VPS50: variants seen among roughly 807,000 people sequenced by gnomAD.
The protein encoded by VPS50 is syndetin.
Under a neutral mutation model 139.7 loss-of-function variants are expected in VPS50, and 70 were observed. That is an observed-to-expected ratio of 0.50 (90% CI 0.41 to 0.61). VPS50 has a LOEUF of 0.61. Among genes scored for constraint, VPS50 ranks in the 20% least tolerant of loss-of-function variants. The probability of loss-of-function intolerance (pLI) is 0.00; values close to 1 mark genes in which losing one functional copy is unlikely to be tolerated. For missense variants in VPS50, 921 were observed against 1,133.7 expected (o/e 0.81, Z 2.69); for synonymous variants, 365 against 376.7 (o/e 0.97, Z 0.36).
chr7:93,308,803 A>G (rs1797186504), intron 18 of VPS50, 21 bp from the exon 19 acceptor site: 2 of 1,372,114 alleles, frequency 1.5e-6, no homozygotes, highest in Non-Finnish European at 2.1e-6. Flanking sequence ...CTCATTTTTT[A>G]ATAACCTGTG....
At chr7:93,336,917 G>T (rs1221564497) in intron 22 of VPS50, among the ~76,000 whole-genome samples, 1 of 152,136 alleles carries the variant, frequency 6.6e-6, no homozygotes, top group Non-Finnish European at 1.5e-5. Context: ...GGTAGGAAAG[G>T]CTAAAAAATG....
At chr7:93,330,761 C>CAAAAAAAAAAA (rs57338525) in intron 21 of VPS50, among the ~76,000 whole-genome samples, 1 of 83,706 alleles carries the variant, frequency 1.2e-5, no homozygotes, top group Admixed American at 1.8e-4. Context: ...GACCCTGTCT[C>CAAAAAAAAAAA]AAAAAAAAAA....
intron 10 of VPS50, among the ~76,000 whole-genome samples, chr7:93,271,511 A>C (rs1014166564): frequency 6.6e-6 from 1 of 151,802 alleles, no homozygotes; most frequent in African/African-American, 2.4e-5. Context: ...ACTATTAGTC[A>C]TAGGTGTGTT....
intron 9 of VPS50, among the ~76,000 whole-genome samples, chr7:93,265,847 G>A (rs1241580125): frequency 6.6e-6 from 1 of 152,152 alleles, no homozygotes; most frequent in Non-Finnish European, 1.5e-5. Flanking sequence ...GATTACAAGC[G>A]TGAGCCACTG....
In VPS50 at chr7:93,341,408, A is replaced by G. The variant is rs1234902572; in HGVS notation, c.2059-19A>G. The G allele has an allele frequency of 1.3e-6, 2 of 1,570,498 alleles. No homozygotes were observed. The highest frequency in any genetic ancestry group is 1.2e-5 in the South Asian group (1 of 85,840). ...TGTTAGATTTGTTATTCCAGGTTGT[A>G]TATCTATTGTATTTTCAGGAAGTTT... On this transcript the variant is annotated intron_variant, in intron 22 of 27. Transcript: ENST00000305866.
At chr7:93,236,691 A>G (rs1794810640) in intron 1 of VPS50, among the ~76,000 whole-genome samples, 1 of 146,646 alleles carries the variant, frequency 6.8e-6, no homozygotes, top group South Asian at 2.1e-4. Flanking sequence ...AGATAAAATA[A>G]GAATGACTTC....
At chr7:93,236,664 A>G (rs1253163922) in intron 1 of VPS50, among the ~76,000 whole-genome samples, 3 of 152,212 alleles carry the variant, frequency 2.0e-5, no homozygotes, top group African/African-American at 7.2e-5. Flanking sequence ...CCATGACTTC[A>G]TGCTTTAGAG....
chr7:93,351,080 G>T (rs1798542865), intron 25 of VPS50, among the ~76,000 whole-genome samples: 1 of 152,096 alleles, frequency 6.6e-6, no homozygotes, highest in Non-Finnish European at 1.5e-5. Flanking sequence ...AGCAATTTAT[G>T]GTCCCCTTTG....
chr7:93,320,884 C>G (rs1384999873), intron 20 of VPS50: 2 of 152,422 alleles, frequency 1.3e-5, no homozygotes, highest in Non-Finnish European at 2.9e-5. Context: ...AGTTACTGTC[C>G]TAGTGAATAG....
chr7:93,342,383 C>T (rs956079546), intron 23 of VPS50, among the ~76,000 whole-genome samples: 15 of 152,162 alleles, frequency 9.9e-5, no homozygotes, highest in South Asian at 2.1e-4. Flanking sequence ...AACTGCAAGG[C>T]GGCAGTGACG....
In VPS50 at chr7:93,256,732, G is replaced by A. The variant is rs1795494564; in HGVS notation, c.351+170G>A. Among the ~76,000 whole-genome samples, 4 of 151,768 alleles carry A rather than the reference G, an allele frequency of 2.6e-5. No individual in the cohort carries two copies. The South Asian group carries it at 8.3e-4, about 32-fold the overall frequency. Reference sequence around the variant, plus strand: ...GTATGTATATTTTTCTTTTTCTTTTGGGGTAATTTACCAAACTGAAGAAGC... The same window carrying A: ...GTATGTATATTTTTCTTTTTCTTTTAGGGTAATTTACCAAACTGAAGAAGC... On this transcript the variant is annotated intron_variant, in intron 5 of 27. Transcript: ENST00000305866.
In VPS50 at chr7:93,355,914, G is replaced by T. The variant is rs770884921; in HGVS notation, c.2609G>T (p.Ser870Ile). The change falls in exon 27 of 28, where the codon AGT becomes ATT. Residue 870 changes from serine (S) to isoleucine (I), a missense_variant. Coordinates refer to ENST00000305866, the MANE Select transcript of VPS50 (RefSeq NM_017667.4). ...AGATATGCCAATGTCAAGAAATGCA[G>T]TAATGAGGGTCGTGCCCTGATGCAA... ...VEGYANVKKC[S>I]NEGRALMQLD... is the part of the protein sequence containing the mutation. 6.3e-7 allele frequency: 1 copy of T among 1,585,428 alleles called. No individual in the cohort carries two copies. The highest frequency in any genetic ancestry group is 1.7e-5 in the Admixed American group (1 of 58,846).
chr7:93,287,949 A>G (rs1222833228), intron 12 of VPS50, among the ~76,000 whole-genome samples: 1 of 152,192 alleles, frequency 6.6e-6, no homozygotes, highest in Non-Finnish European at 1.5e-5. Context: ...ATAAAGGCAC[A>G]TCCAAGACTG....
At chr7:93,256,945 A>G (rs905492848) in intron 5 of VPS50, among the ~76,000 whole-genome samples, 2 of 152,120 alleles carry the variant, frequency 1.3e-5, no homozygotes, top group Non-Finnish European at 2.9e-5. Flanking sequence ...CTGTGTTTTC[A>G]TCGGAAAATC....
chr7:93,342,861 A>T (rs1459515389), intron 23 of VPS50, among the ~76,000 whole-genome samples: 1 of 152,252 alleles, frequency 6.6e-6, no homozygotes, highest in African/African-American at 2.4e-5. Context: ...CCAAAAGTAG[A>T]TAAAACCACA....
intron 1 of VPS50, among the ~76,000 whole-genome samples, chr7:93,236,715 A>T (rs1393561327): frequency 3.3e-5 from 5 of 152,202 alleles, no homozygotes; most frequent in African/African-American, 1.2e-4. Flanking sequence ...TGTTAGTAGA[A>T]GTTTATAAAA....
At chr7:93,332,998 A>G (rs926464145) in intron 21 of VPS50, among the ~76,000 whole-genome samples, 2 of 152,150 alleles carry the variant, frequency 1.3e-5, no homozygotes, top group Non-Finnish European at 2.9e-5. Flanking sequence ...GGACATTTTT[A>G]AGGGGGAGGG....
chr7:93,289,644 T>A (rs1796593238), intron 12 of VPS50, among the ~76,000 whole-genome samples: 1 of 152,098 alleles, frequency 6.6e-6, no homozygotes, highest in South Asian at 2.1e-4. Context: ...ATAGTTTTAT[T>A]TTTGACATTT....
intron 23 of VPS50, among the ~76,000 whole-genome samples, chr7:93,341,922 T>C (rs1265401356): frequency 6.6e-6 from 1 of 152,200 alleles, no homozygotes; most frequent in Non-Finnish European, 1.5e-5. Flanking sequence ...GTCAATTTAG[T>C]GTTAAGTATA....
Sources: gnomAD v4.1 joint callset for allele counts (sites outside exome capture counted in the v4.1 genomes callset) on GRCh38, gnomAD v4.1.1 for gene constraint, MANE v1.5 for transcripts, NCBI Gene and HGNC (gene_info 2026-07-23, HGNC 2026-07-21) for gene names.